UVRAG: variants seen among roughly 807,000 people sequenced by gnomAD.
The protein encoded by UVRAG is UV radiation resistance associated.
A neutral mutation model predicts 78.0 loss-of-function variants in UVRAG; 19 were observed. That is an observed-to-expected ratio of 0.24 (90% CI 0.17 to 0.36). The LOEUF is 0.36. Among genes scored for constraint, UVRAG ranks in the 10% least tolerant of loss-of-function variants. The probability of loss-of-function intolerance (pLI) is 1.00; values close to 1 mark genes in which losing one functional copy is unlikely to be tolerated. For missense variants in UVRAG, 740 were observed against 853.8 expected, an observed-to-expected ratio of 0.87 and a Z score of 1.66; for synonymous variants, 323 against 324.6, an observed-to-expected ratio of 1.00 and a Z score of 0.05.
At chr11:76,059,150 G>A (rs535028299) in intron 12 of UVRAG, among the ~76,000 whole-genome samples, 1 of 152,320 alleles carries the variant, frequency 6.6e-6, no homozygotes, top group African/African-American at 2.4e-5. Flanking sequence ...CTTTACAGTT[G>A]CAGTGTACTT....
intron 5 of UVRAG, among the ~76,000 whole-genome samples, chr11:75,900,910 G>A (rs1947479298): frequency 6.6e-6 from 1 of 152,178 alleles, no homozygotes; most frequent in African/African-American, 2.4e-5. Context: ...AACATCCTCT[G>A]TTGTCTCAAA....
At chr11:75,937,835 T>C (rs1948403419) in intron 6 of UVRAG, among the ~76,000 whole-genome samples, 1 of 152,202 alleles carries the variant, frequency 6.6e-6, no homozygotes, top group South Asian at 2.1e-4. Context: ...TTCTGTCTCC[T>C]CCTTCATTAT....
chr11:75,880,104 T>A, intron 4 of UVRAG, 64 bp downstream of exon 4: 2 of 1,567,624 alleles, frequency 1.3e-6, no homozygotes, highest in Non-Finnish European at 1.7e-6. Flanking sequence ...AACCTTTCTG[T>A]TGATTCTTCT....
Position 76,093,248 on chromosome 11 carries a change from T to G in UVRAG, c.1306-22676T>G, listed in dbSNP as rs892122395. On this transcript the variant is annotated intron_variant, in intron 13 of 14. Transcript: ENST00000356136. ...GTTTTGGTACCAGTACCATGCTGTT[T>G]TGGTTACTGTAGCCTTGTAGTGTAG... 3.3e-5 allele frequency among the ~76,000 whole-genome samples: 5 copies of G among 152,180 alleles called. No homozygotes were observed. In the East Asian group the frequency reaches 9.6e-4, roughly 29 times the overall value.
chr11:76,137,935 TAAAA>T (rs1005398378), intron 14 of UVRAG, among the ~76,000 whole-genome samples: 6 of 151,968 alleles, frequency 3.9e-5, no homozygotes, highest in African/African-American at 7.2e-5. Flanking sequence ...AATTAAAAAA[TAAAA>T]AGAGAGAGAA....
intron 9 of UVRAG, among the ~76,000 whole-genome samples, chr11:76,004,710 C>G (rs138157495): frequency 6.6e-6 from 1 of 152,034 alleles, no homozygotes; most frequent in Non-Finnish European, 1.5e-5. Context: ...ACTATGGCCT[C>G]GAACTTCTGG....
At chr11:75,861,289 CA>C (rs1248183738) in intron 2 of UVRAG, among the ~76,000 whole-genome samples, 1 of 152,118 alleles carries the variant, frequency 6.6e-6, no homozygotes, top group Admixed American at 6.6e-5. Context: ...GTGTTTTAAC[CA>C]AAACTGTCAA....
chr11:75,889,218 G>A (rs1277921419), intron 5 of UVRAG, among the ~76,000 whole-genome samples: 1 of 152,156 alleles, frequency 6.6e-6, no homozygotes, highest in African/African-American at 2.4e-5. Flanking sequence ...ATGCAATACA[G>A]TTTTATGAAA....
At chr11:75,915,309 A>G (rs771340754) in intron 6 of UVRAG, 2 of 152,216 alleles carry the variant, frequency 1.3e-5, no homozygotes, top group Non-Finnish European at 2.9e-5. Context: ...TAGAAAAACA[A>G]TGACCTGAGA....
intron 7 of UVRAG, among the ~76,000 whole-genome samples, chr11:75,966,261 T>C (rs1949021172): frequency 6.6e-6 from 1 of 152,156 alleles, no homozygotes. Flanking sequence ...CTTATAAATT[T>C]TTTTCCTTCG....
chr11:75,947,484 G>T (rs775037170), intron 6 of UVRAG, among the ~76,000 whole-genome samples: 6 of 152,098 alleles, frequency 3.9e-5, no homozygotes, highest in Non-Finnish European at 1.5e-5. Flanking sequence ...GAATAGAATC[G>T]TAGAATAATG....
intron 1 of UVRAG, among the ~76,000 whole-genome samples, chr11:75,846,456 A>G (rs989451335): frequency 6.6e-6 from 1 of 152,192 alleles, no homozygotes; most frequent in East Asian, 1.9e-4. Context: ...GTATCTAGAA[A>G]GTCCTCACAA....
chr11:76,087,522 G>A (rs1951610119), intron 13 of UVRAG, among the ~76,000 whole-genome samples: 1 of 152,086 alleles, frequency 6.6e-6, no homozygotes, highest in Non-Finnish European at 1.5e-5. Context: ...GTCAGACAAG[G>A]CACTTCAGTC....
chr11:75,944,819 G>T (rs1333597775), intron 6 of UVRAG, among the ~76,000 whole-genome samples: 1 of 152,086 alleles, frequency 6.6e-6, no homozygotes, highest in Non-Finnish European at 1.5e-5. Flanking sequence ...ATTGTGAAAA[G>T]AATATAGTCT....
At chr11:75,926,086 C>T (rs915619211) in intron 6 of UVRAG, among the ~76,000 whole-genome samples, 1 of 151,822 alleles carries the variant, frequency 6.6e-6, no homozygotes, top group Admixed American at 6.6e-5. Context: ...CCAGGAATTA[C>T]TTAGAGTCTT....
intron 13 of UVRAG, among the ~76,000 whole-genome samples, chr11:76,098,582 T>C (rs1951827173): frequency 6.6e-6 from 1 of 152,216 alleles, no homozygotes; most frequent in African/African-American, 2.4e-5. Flanking sequence ...AGTTTGAAGA[T>C]AGAAGACCAC....
intron 14 of UVRAG, among the ~76,000 whole-genome samples, chr11:76,139,653 C>T (rs1168504191): frequency 6.6e-6 from 1 of 152,174 alleles, no homozygotes; most frequent in Admixed American, 6.5e-5. Flanking sequence ...ATTTCATCCA[C>T]ATACAAGAAT....
rs1422114401 is a variant in UVRAG at position 76,137,190 on chromosome 11, T to C, written c.1398-3521T>C. On this transcript the variant is annotated intron_variant, in intron 14 of 14. Transcript: ENST00000356136. ...TTTACTCATACTTTGCACACAATTTTCAGGACATCTGCTTTACAAGAACAC... is the reference window on the plus strand; with the variant it reads ...TTTACTCATACTTTGCACACAATTTCCAGGACATCTGCTTTACAAGAACAC... 8.0e-6 allele frequency: 3 copies of C among 374,222 alleles called. No homozygotes were observed. In the East Asian group the frequency reaches 2.2e-4, roughly 28 times the overall value. 23.2% of individuals were successfully genotyped at this position (374,222 alleles called of 1,614,324 possible). A position where few individuals can be genotyped will look rare whatever the true frequency, so the allele number is the denominator to read the frequency against.
intron 11 of UVRAG, among the ~76,000 whole-genome samples, chr11:76,014,559 G>A (rs1055407434): frequency 4.6e-5 from 7 of 152,164 alleles, no homozygotes; most frequent in Admixed American, 1.3e-4. Context: ...TAATCTTTAC[G>A]GAAAGCACGA....
Sources: allele counts gnomAD v4.1 joint callset (sites outside exome capture counted in the v4.1 genomes callset), GRCh38; gene constraint gnomAD v4.1.1; transcripts MANE v1.5; gene names NCBI Gene and HGNC (gene_info 2026-07-23, HGNC 2026-07-21).